Variants in EVI5 observed in about 807,000 individuals in gnomAD.
The protein encoded by EVI5 is ecotropic viral integration site 5, also known as ecotropic viral integration site 5 protein homolog.
EVI5 carries 73 observed loss-of-function variants against 112.0 expected under a neutral mutation model. The ratio of observed to expected loss-of-function variants is 0.65; its 90% CI spans 0.54 to 0.79. The LOEUF is 0.79. Among genes scored for constraint, EVI5 ranks in the 30% least tolerant of loss-of-function variants. EVI5 has a pLI of 0.00. For synonymous variants in EVI5, 305 were observed against 319.9 expected, an observed-to-expected ratio of 0.95 and a Z score of 0.50; for missense variants, 900 against 968.8, an observed-to-expected ratio of 0.93 and a Z score of 0.94.
At chr1:92,735,645 TA>T (rs1417772564) in intron 2 of EVI5, among the ~76,000 whole-genome samples, 7 of 11,038 alleles carry the variant, frequency 6.3e-4, no homozygotes, top group African/African-American at 8.6e-4. Context: ...ATGTCATATA[TA>T]TATATAATTA....
At chr1:92,662,894 G>A (rs1367079726) in intron 12 of EVI5, 29 bp from the exon 13 acceptor site, 9 of 1,247,876 alleles carry the variant, frequency 7.2e-6, no homozygotes, top group Non-Finnish European at 9.3e-6. Context: ...TGTGTGTAAA[G>A]CAATTTAGGA....
intron 9 of EVI5, among the ~76,000 whole-genome samples, chr1:92,681,459 A>G (rs1393538582): frequency 7.9e-5 from 12 of 152,172 alleles, no homozygotes; most frequent in Admixed American, 5.2e-4. Flanking sequence ...AAGTATACCA[A>G]CGTAAAAATT....
At chr1:92,667,688 T>G (rs1665154725) in intron 10 of EVI5, among the ~76,000 whole-genome samples, 1 of 152,236 alleles carries the variant, frequency 6.6e-6, no homozygotes, top group South Asian at 2.1e-4. Context: ...CGATCTCAGC[T>G]CATTGCAACC....
chr1:92,578,196 T>A (rs1284779984), intron 18 of EVI5, among the ~76,000 whole-genome samples: 1 of 152,222 alleles, frequency 6.6e-6, no homozygotes, highest in African/African-American at 2.4e-5. Context: ...CACATTGTTA[T>A]TTCTCTAGAT....
At chr1:92,718,232 G>A (rs1485932078) in intron 2 of EVI5, among the ~76,000 whole-genome samples, 2 of 152,142 alleles carry the variant, frequency 1.3e-5, no homozygotes, top group Non-Finnish European at 2.9e-5. Flanking sequence ...CAAATCAACA[G>A]AATATACATT....
chr1:92,698,046 T>C (rs1196736511), intron 5 of EVI5, 61 bp from the exon 6 acceptor site: 28 of 1,498,354 alleles, frequency 1.9e-5, no homozygotes, highest in Non-Finnish European at 2.2e-5. Context: ...AATAAACCAA[T>C]GATATTTAAA....
chr1:92,609,716 C>T (rs1186867993), intron 16 of EVI5, among the ~76,000 whole-genome samples: 3 of 151,924 alleles, frequency 2.0e-5, no homozygotes, highest in Admixed American at 1.3e-4. Flanking sequence ...TACTTTACCT[C>T]GCCCTATGAA....
chr1:92,744,598 TCTCACACACACACACA>T (rs1553263746), intron 1 of EVI5, among the ~76,000 whole-genome samples: 17 of 58,524 alleles, frequency 2.9e-4, no homozygotes, highest in African/African-American at 4.7e-4. Context: ...TCTCTCTCTC[TCTCACACACACACACA>T]CACACACACA....
chr1:92,687,883 C>A (rs1339537414), intron 9 of EVI5, among the ~76,000 whole-genome samples: 1 of 152,084 alleles, frequency 6.6e-6, no homozygotes, highest in African/African-American at 2.4e-5. Flanking sequence ...AGTCAGGAAA[C>A]AACAGATGCT....
At chr1:92,678,248 A>G (rs1305489951) in intron 9 of EVI5, among the ~76,000 whole-genome samples, 2 of 152,226 alleles carry the variant, frequency 1.3e-5, no homozygotes, top group African/African-American at 2.4e-5. Flanking sequence ...TTAAAACATG[A>G]CACTGACCAC....
At chr1:92,758,188 AAC>A (rs1488918841) in intron 1 of EVI5, among the ~76,000 whole-genome samples, 3 of 152,318 alleles carry the variant, frequency 2.0e-5, no homozygotes, top group South Asian at 2.1e-4. Flanking sequence ...GTGAAATAAA[AAC>A]AGAGAAAGAA....
rs537011038 is a variant in EVI5, at chr1:92,702,179, G to A, written c.601C>T (p.Gln201Ter). Residue 201 changes from glutamine (Q) to a stop codon, truncating the protein, a stop_gained, in exon 5 of 20, where the codon CAA (glutamine) becomes TAA (stop). Transcript: ENST00000684568. LOFTEE classifies it high-confidence loss of function. ...AATCCAACTATAAAAGCACTTCCTTGACAGTAACCAACCTCACGATCTACT... is the reference window on the plus strand; with the variant it reads ...AATCCAACTATAAAAGCACTTCCTTAACAGTAACCAACCTCACGATCTACT... The part of the protein sequence containing the change: ...SLVDREVGYC[Q>*]GSAFIVGLLL... 1.3e-6 allele frequency: 2 copies of A among 1,514,096 alleles called. No homozygotes were observed. The highest frequency in any genetic ancestry group is 1.3e-5 in the South Asian group (1 of 77,742). The allele number at this position is 1,514,096 out of a possible 1,614,324, so 93.8% of individuals were successfully genotyped here.
At chr1:92,609,732 C>G (rs1464404327) in intron 16 of EVI5, among the ~76,000 whole-genome samples, 3 of 152,128 alleles carry the variant, frequency 2.0e-5, no homozygotes, top group Admixed American at 6.6e-5. Context: ...ATGAAAAAGA[C>G]CCCCCTCCAG....
upstream of EVI5, among the ~76,000 whole-genome samples, chr1:92,789,388 TG>T (rs1685918694): frequency 6.6e-6 from 1 of 151,938 alleles, no homozygotes; most frequent in Admixed American, 6.6e-5. Flanking sequence ...CTGCAAGCTC[TG>T]CCTCCTGGGT....
At chr1:92,730,732 A>G (rs1676332663) in intron 2 of EVI5, among the ~76,000 whole-genome samples, 1 of 151,588 alleles carries the variant, frequency 6.6e-6, no homozygotes, top group African/African-American at 2.4e-5. Context: ...CAAAGGCCAT[A>G]TCCAAAAAAT....
At chr1:92,711,751 G>A (rs1302197553) in intron 2 of EVI5, among the ~76,000 whole-genome samples, 2 of 152,240 alleles carry the variant, frequency 1.3e-5, no homozygotes, top group Non-Finnish European at 2.9e-5. Context: ...AACAAGATAT[G>A]AATGTGCAGC....
chr1:92,534,961 G>C (rs1663593519), intron 19 of EVI5, among the ~76,000 whole-genome samples: 1 of 152,068 alleles, frequency 6.6e-6, no homozygotes, highest in Non-Finnish European at 1.5e-5. Flanking sequence ...CACAGCAAAA[G>C]AAACTATCAT....
At chr1:92,704,332 A>ATTTTCAGTT (rs1671655505) in intron 3 of EVI5, among the ~76,000 whole-genome samples, 1 of 152,146 alleles carries the variant, frequency 6.6e-6, no homozygotes, top group Non-Finnish European at 1.5e-5. Flanking sequence ...AAGTAAATAA[A>ATTTTCAGTT]ATAATTTTCA....
rs1479436916 is a variant in EVI5, at chr1:92,785,053, T to C, written c.-299A>G. Reference sequence around the variant, plus strand: ...GCTGTCGGAACTGCAGCCAGCCCCTTGCCAGCTGGCCAGCTGGTTCCTCCG... The same window carrying C: ...GCTGTCGGAACTGCAGCCAGCCCCTCGCCAGCTGGCCAGCTGGTTCCTCCG... On this transcript the variant is annotated 5_prime_UTR_variant, in exon 1 of 20. Transcript: ENST00000684568. The C allele has an allele frequency of 4.1e-6, 4 of 985,132 alleles. No individual in the cohort carries two copies. The highest frequency in any genetic ancestry group is 1.0e-3 in the Middle Eastern group (2 of 1,938). The allele number at this position is 985,132 out of a possible 1,614,324, so 61.0% of individuals were successfully genotyped here. A position where few individuals can be genotyped will look rare whatever the true frequency, so the allele number is the denominator to read the frequency against.
Sources: gnomAD v4.1 joint callset for allele counts (sites outside exome capture counted in the v4.1 genomes callset) on GRCh38, gnomAD v4.1.1 for gene constraint, MANE v1.5 for transcripts, NCBI Gene and HGNC (gene_info 2026-07-23, HGNC 2026-07-21) for gene names.